CD33: variants seen among roughly 807,000 people sequenced by gnomAD.
CD33 encodes myeloid cell surface antigen CD33.
In CD33, 25 loss-of-function variants were observed where a neutral mutation model predicts 31.4. That is an observed-to-expected ratio of 0.80 (90% CI 0.58 to 1.11). The LOEUF is 1.11. Among genes scored for constraint, CD33 ranks in the 50% most tolerant of loss-of-function variants. CD33 has a pLI of 0.00. For synonymous variants in CD33, 176 were observed against 180.6 expected, an observed-to-expected ratio of 0.97 and a Z score of 0.20; for missense variants, 407 against 448.1, an observed-to-expected ratio of 0.91 and a Z score of 0.83.
At chr19:51,226,274 C>G in intron 3 of CD33, 35 bp from the exon 4 acceptor site, 1 of 1,603,318 alleles carries the variant, frequency 6.2e-7, no homozygotes, top group South Asian at 1.1e-5. Context: ...TCATCTCTAC[C>G]CCCAACTGAA....
At chr19:51,234,994 A>C (rs1028599876) in intron 4 of CD33, among the ~76,000 whole-genome samples, 163 bp from the exon 5 acceptor site, 3 of 151,990 alleles carry the variant, frequency 2.0e-5, no homozygotes, top group Non-Finnish European at 4.4e-5. Flanking sequence ...TGTGTACTTC[A>C]TCTCATGGTC....
In CD33 at chr19:51,225,106, T is replaced by G; in HGVS notation, c.-13T>G. 1.9e-6 allele frequency: 3 copies of G among 1,613,584 alleles called. No homozygotes were observed. Among genetic ancestry groups the G allele is most frequent in the Non-Finnish European group, 2.5e-6 (3 of 1,179,986 alleles). The stretch of plus-strand genomic sequence containing the variant: ...TGCTCACACAGGAAGCCCTGGAAGC[T>G]GCTTCCTCAGACATGCCGCTGCTGC... On this transcript the variant is annotated 5_prime_UTR_variant, in exon 1 of 7. Coordinates refer to ENST00000262262, the MANE Select transcript of CD33 (RefSeq NM_001772.4).
At chr19:51,211,088 C>T in the CD33 span, 226 of 1,508,544 alleles carry the variant, frequency 1.5e-4, no homozygotes, top group East Asian at 3.0e-3. Context: ...ACAGGAAGCC[C>T]GGGAAGCCTC....
At chr19:51,239,421 T>A in intron 6 of CD33, 97 bp from the exon 7 acceptor site, 1 of 824,468 alleles carries the variant, frequency 1.2e-6, no homozygotes. Context: ...GAATAAATGT[T>A]CTGTCAGAGT....
At chr19:51,236,321 G>T (rs1981802983) in intron 6 of CD33, 1 of 187,946 alleles carries the variant, frequency 5.3e-6, no homozygotes, top group Non-Finnish European at 1.1e-5. Context: ...GAATGGGCAA[G>T]ACAGGGTAAG....
chr19:51,214,762 A>G, the CD33 span, among the ~76,000 whole-genome samples: 1 of 152,174 alleles, frequency 6.6e-6, no homozygotes, highest in South Asian at 2.1e-4. Context: ...TTGCTAATAT[A>G]TGCTCCCATT....
Position 51,225,492 on chromosome 19 carries a change from C to A in CD33, c.312C>A (p.Ser104Arg). 6.2e-7 allele frequency: 1 copy of A among 1,613,566 alleles called. No individual in the cohort carries two copies. The highest frequency in any genetic ancestry group is 8.5e-7 in the Non-Finnish European group (1 of 1,179,674). The change falls in exon 2 of 7, where the codon AGC becomes AGA. Residue 104 changes from serine to arginine, a missense_variant. Physicochemically the swap from Ser to Arg is moderately radical, Grantham distance 110. Transcript: ENST00000262262. ...GDPSRNNCSL[S>R]IVDARRRDNG... ...CCAGTAGGAACAACTGCTCCCTGAG[C>A]ATCGTAGACGCCAGGAGGAGGGATA...
At chr19:51,224,039 C>T (rs1045744883), upstream of CD33, among the ~76,000 whole-genome samples, 14 of 152,094 alleles carry the variant, frequency 9.2e-5, no homozygotes, top group Non-Finnish European at 1.8e-4. Flanking sequence ...GAAAGAAACA[C>T]GAATGGTGGC....
chr19:51,211,874 G>T, the CD33 span: 1 of 1,392,830 alleles, frequency 7.2e-7, no homozygotes, highest in South Asian at 1.2e-5. Context: ...CTGTGCCCTC[G>T]GCCTGTGAGC....
At chr19:51,221,880 T>A (rs1233928597), upstream of CD33, among the ~76,000 whole-genome samples, 3 of 152,218 alleles carry the variant, frequency 2.0e-5, no homozygotes, top group African/African-American at 7.2e-5. Flanking sequence ...TCAGAGGCAC[T>A]GCACCAAGTA....
chr19:51,213,520 T>C, the CD33 span, among the ~76,000 whole-genome samples: 202 of 152,286 alleles, frequency 1.3e-3, no homozygotes, highest in African/African-American at 4.7e-3. Flanking sequence ...TTTTGTTTTT[T>C]GTTTGTTTGT....
rs7256330 is a variant in CD33, at chr19:51,226,798, A to G, written c.745+442A>G. ...AAGCATAGTCATCCTACAGTGGTAT[A>G]GAACACCAGAACTTATTCTTCCTTT... On this transcript the variant is annotated intron_variant, in intron 4 of 6. Transcript: ENST00000262262. Among the ~76,000 whole-genome samples, 1,135 of 152,010 alleles carry G rather than the reference A, an allele frequency of 7.5e-3. 6 individuals carry two copies. Among genetic ancestry groups the G allele is most frequent in the African/African-American group, 0.024 (1,012 of 41,430 alleles).
chr19:51,234,983 C>T (rs1195811058), intron 4 of CD33, among the ~76,000 whole-genome samples, 174 bp from the exon 5 acceptor site: 1 of 151,952 alleles, frequency 6.6e-6, no homozygotes, highest in Non-Finnish European at 1.5e-5. Context: ...GTCAGGTGCA[C>T]TGTGTACTTC....
At chr19:51,216,418 A>C in the CD33 span, among the ~76,000 whole-genome samples, 1 of 152,268 alleles carries the variant, frequency 6.6e-6, no homozygotes, top group Non-Finnish European at 1.5e-5. Context: ...AGTATTAAGA[A>C]GATGTTCTGG....
chr19:51,238,066 G>A (rs1387120297), intron 6 of CD33: 2 of 152,222 alleles, frequency 1.3e-5, no homozygotes, highest in African/African-American at 4.8e-5. Flanking sequence ...AGATGTCATA[G>A]GTGGGTCCAC....
intron 4 of CD33, among the ~76,000 whole-genome samples, chr19:51,231,872 C>A (rs1355655900): frequency 6.6e-6 from 1 of 152,098 alleles, no homozygotes; most frequent in African/African-American, 2.4e-5. Context: ...AATCTTCCTG[C>A]CTTAACCTCC....
chr19:51,235,699 A>C (rs1305410694), intron 6 of CD33, 23 bp downstream of exon 6: 1 of 1,596,542 alleles, frequency 6.3e-7, no homozygotes, highest in Admixed American at 1.7e-5. Flanking sequence ...GCATCCTGGC[A>C]TCCAGTCTGT....
chr19:51,239,778 C>A lies in CD33; in HGVS notation c.*90C>A. The A allele has an allele frequency of 9.8e-7, 1 of 1,015,940 alleles. No homozygotes were observed. The highest frequency in any genetic ancestry group is 1.5e-6 in the Non-Finnish European group (1 of 689,646). 62.9% of individuals were successfully genotyped at this position (1,015,940 alleles called of 1,614,324 possible). A position where few individuals can be genotyped will look rare whatever the true frequency, so the allele number is the denominator to read the frequency against. ...GCTGATTCTTGGAGATTTAACACCC[C>A]ACAGGCAATGGGTTTATAGACATTA... is the stretch of plus-strand genomic sequence containing the variant. On this transcript the variant is annotated 3_prime_UTR_variant, in exon 7 of 7. Coordinates refer to ENST00000262262, the MANE Select transcript of CD33 (RefSeq NM_001772.4).
intron 6 of CD33, 164 bp downstream of exon 6, chr19:51,235,840 G>A (rs1188991895): frequency 1.4e-6 from 1 of 728,868 alleles, no homozygotes; most frequent in Admixed American, 2.0e-5. Context: ...GAGGCCAACA[G>A]ATCAGGAGAT....
Sources: gnomAD v4.1 joint callset for allele counts (sites outside exome capture counted in the v4.1 genomes callset) on GRCh38, gnomAD v4.1.1 for gene constraint, MANE v1.5 for transcripts, NCBI Gene and HGNC (gene_info 2026-07-23, HGNC 2026-07-21) for gene names.